NEK11: variants seen among roughly 807,000 people sequenced by gnomAD.
NEK11 encodes the protein serine/threonine-protein kinase Nek11.
In NEK11, 72 loss-of-function variants were observed where a neutral mutation model predicts 80.7. The ratio of observed to expected loss-of-function variants is 0.89; its 90% CI spans 0.74 to 1.08. NEK11 has a LOEUF of 1.08. NEK11 is among the 50% of genes least tolerant of loss of function. The pLI, the probability that NEK11 is intolerant of heterozygous loss-of-function variation, is 0.00. For missense variants in NEK11, 764 were observed against 763.6 expected (o/e 1.00, Z -0.01); for synonymous variants, 251 against 260.7 (o/e 0.96, Z 0.36).
At chr3:131,256,368 C>A (rs1226676253) in intron 16 of NEK11, among the ~76,000 whole-genome samples, 1 of 152,064 alleles carries the variant, frequency 6.6e-6, no homozygotes, top group African/African-American at 2.4e-5. Flanking sequence ...AAATTTAAAA[C>A]ATTTTTAAGA....
intron 4 of NEK11, among the ~76,000 whole-genome samples, chr3:131,082,222 G>C (rs546050693): frequency 6.6e-6 from 1 of 152,138 alleles, no homozygotes; most frequent in Non-Finnish European, 1.5e-5. Flanking sequence ...TCACCAATTC[G>C]TGCAAAACTA....
intron 14 of NEK11, chr3:131,175,022 T>G: frequency 1.5e-6 from 2 of 1,291,380 alleles, no homozygotes; most frequent in South Asian, 5.1e-5. Flanking sequence ...GTGCTTTGCT[T>G]GCCTGTAGGA....
intron 17 of NEK11, among the ~76,000 whole-genome samples, chr3:131,348,640 A>AGAT (rs1358417115): frequency 6.6e-6 from 1 of 150,910 alleles, no homozygotes; most frequent in African/African-American, 2.4e-5. Context: ...CCCTTTCTGG[A>AGAT]GATAGAGGAA....
chr3:131,205,350 G>A (rs1580146840), intron 14 of NEK11, among the ~76,000 whole-genome samples: 2 of 152,288 alleles, frequency 1.3e-5, no homozygotes. Context: ...CATTCTCAGT[G>A]GAGGCATGTA....
intron 14 of NEK11, among the ~76,000 whole-genome samples, chr3:131,208,225 C>A (rs2094502271): frequency 6.6e-6 from 1 of 152,170 alleles, no homozygotes; most frequent in Non-Finnish European, 1.5e-5. Context: ...AATAGGGAAT[C>A]CTTTCCCCAT....
intron 4 of NEK11, among the ~76,000 whole-genome samples, chr3:131,090,711 T>C (rs1204880342): frequency 6.6e-6 from 1 of 152,212 alleles, no homozygotes; most frequent in Non-Finnish European, 1.5e-5. Flanking sequence ...GTCTAAATCT[T>C]TGAGTGACTT....
At chr3:131,158,832 G>A (rs966218609) in intron 10 of NEK11, among the ~76,000 whole-genome samples, 1 of 152,204 alleles carries the variant, frequency 6.6e-6, no homozygotes, top group African/African-American at 2.4e-5. Context: ...ATGCAAGCAA[G>A]GATGGATCTG....
chr3:131,171,127 C>T (rs561967379), intron 14 of NEK11, among the ~76,000 whole-genome samples: 1 of 152,258 alleles, frequency 6.6e-6, no homozygotes, highest in African/African-American at 2.4e-5. Flanking sequence ...TGGTGAGAGA[C>T]CTCTTCTGGG....
chr3:131,335,582 A>T (rs377674777), intron 17 of NEK11, among the ~76,000 whole-genome samples: 2 of 151,932 alleles, frequency 1.3e-5, no homozygotes, highest in African/African-American at 4.8e-5. Context: ...CTCTCTCACC[A>T]CTCCTATTCA....
At chr3:131,157,997 G>T (rs1560694253) in intron 10 of NEK11, among the ~76,000 whole-genome samples, 1 of 152,094 alleles carries the variant, frequency 6.6e-6, no homozygotes, top group African/African-American at 2.4e-5. Context: ...CATCCCCCTA[G>T]GCTTGACTTG....
chr3:131,336,090 A>C (rs569349434), intron 17 of NEK11, among the ~76,000 whole-genome samples: 139 of 152,164 alleles, frequency 9.1e-4, no homozygotes, highest in African/African-American at 3.1e-3. Context: ...GCTACCAATG[A>C]CTTTCTTCAC....
intron 4 of NEK11, among the ~76,000 whole-genome samples, chr3:131,086,005 G>A (rs961280349): frequency 3.3e-5 from 5 of 152,056 alleles, no homozygotes; most frequent in Admixed American, 6.6e-5. Context: ...TTTGTCTAAT[G>A]TTTTATCACG....
At chr3:131,341,067 T>C (rs888022963) in intron 17 of NEK11, among the ~76,000 whole-genome samples, 15 of 152,346 alleles carry the variant, frequency 9.8e-5, no homozygotes, top group African/African-American at 3.4e-4. Context: ...CAGAGAATAC[T>C]GCCCTCCCTT....
At chr3:131,166,920 T>C (rs1430913981) in intron 12 of NEK11, among the ~76,000 whole-genome samples, 1 of 152,188 alleles carries the variant, frequency 6.6e-6, no homozygotes, top group Non-Finnish European at 1.5e-5. Flanking sequence ...TTAAGGTGGC[T>C]CTTCTTCTCT....
intron 4 of NEK11, among the ~76,000 whole-genome samples, chr3:131,097,042 T>G (rs1257682103): frequency 1.3e-5 from 2 of 151,910 alleles, no homozygotes; most frequent in African/African-American, 4.8e-5. Context: ...ATTTCATCCA[T>G]GTCCCTACAA....
chr3:131,054,814 T>C (rs1004038578), intron 3 of NEK11, among the ~76,000 whole-genome samples: 1 of 151,648 alleles, frequency 6.6e-6, no homozygotes, highest in Admixed American at 6.6e-5. Context: ...ACCCGGTAGA[T>C]ATGGAATTGC....
chr3:131,069,515 G>A (rs2072784056), intron 3 of NEK11, among the ~76,000 whole-genome samples: 7 of 152,074 alleles, frequency 4.6e-5, no homozygotes, highest in Admixed American at 4.6e-4. Flanking sequence ...CTGCTATAAA[G>A]ACGCATGCAC....
chr3:131,203,014 A>G (rs1202811696), intron 14 of NEK11, among the ~76,000 whole-genome samples: 1 of 152,204 alleles, frequency 6.6e-6, no homozygotes, highest in African/African-American at 2.4e-5. Context: ...TGTGGAAGGC[A>G]GTGTGGCGAT....
intron 3 of NEK11, among the ~76,000 whole-genome samples, chr3:131,035,733 A>G (rs2065538874): frequency 6.6e-6 from 1 of 152,208 alleles, no homozygotes. Flanking sequence ...AGTTCTGGAG[A>G]AGCTGTATAT....
Sources: gnomAD v4.1 joint callset for allele counts (sites outside exome capture counted in the v4.1 genomes callset) on GRCh38, gnomAD v4.1.1 for gene constraint, MANE v1.5 for transcripts, NCBI Gene and HGNC (gene_info 2026-07-23, HGNC 2026-07-21) for gene names.